Variants in MBD5 observed in about 807,000 individuals in gnomAD.
The protein encoded by MBD5 is methyl-CpG binding domain protein 5.
Under a neutral mutation model 117.3 loss-of-function variants are expected in MBD5, and 13 were observed. The ratio of observed to expected loss-of-function variants is 0.11; its 90% CI spans 0.07 to 0.18. The LOEUF (loss-of-function observed/expected upper bound fraction) is 0.18, where lower values mean the gene tolerates loss of function less well. MBD5 is among the 10% of genes least tolerant of loss of function. The pLI, the probability that MBD5 is intolerant of heterozygous loss-of-function variation, is 1.00. For missense variants in MBD5, 1,879 were observed against 2,093.8 expected, an observed-to-expected ratio of 0.90 and a Z score of 2.00; for synonymous variants, 727 against 766.4, an observed-to-expected ratio of 0.95 and a Z score of 0.85.
At chr2:148,101,583 A>G (rs1380056538) in intron 1 of MBD5, among the ~76,000 whole-genome samples, 1 of 152,198 alleles carries the variant, frequency 6.6e-6, no homozygotes, top group Non-Finnish European at 1.5e-5. Context: ...ATGGACTTCA[A>G]TGAACATTCT....
intron 3 of MBD5, among the ~76,000 whole-genome samples, chr2:148,274,533 C>G (rs1266365571): frequency 6.6e-6 from 1 of 152,024 alleles, no homozygotes; most frequent in African/African-American, 2.4e-5. Flanking sequence ...GATTTTGTTG[C>G]TAATACTCCT....
chr2:148,449,566 G>A (rs991286364), intron 4 of MBD5, among the ~76,000 whole-genome samples: 2 of 151,824 alleles, frequency 1.3e-5, no homozygotes, highest in Admixed American at 6.6e-5. Context: ...GAACAAGAGG[G>A]TGAGATGGGA....
intron 4 of MBD5, among the ~76,000 whole-genome samples, chr2:148,449,347 T>A (rs1706657910): frequency 6.6e-6 from 1 of 152,084 alleles, no homozygotes; most frequent in Non-Finnish European, 1.5e-5. Flanking sequence ...CTGCTTTTTC[T>A]TTTGCAATCT....
chr2:148,368,430 A>G (rs1287716884), intron 4 of MBD5, among the ~76,000 whole-genome samples: 1 of 152,160 alleles, frequency 6.6e-6, no homozygotes, highest in Non-Finnish European at 1.5e-5. Context: ...CCTATGTAAC[A>G]ATCCTGCACA....
intron 2 of MBD5, among the ~76,000 whole-genome samples, chr2:148,229,398 G>A (rs1161826773): frequency 1.3e-5 from 2 of 151,948 alleles, no homozygotes; most frequent in Non-Finnish European, 2.9e-5. Flanking sequence ...TTCCTTCTCT[G>A]TGTTATCTTG....
At chr2:148,169,761 C>T (rs537246944) in intron 1 of MBD5, among the ~76,000 whole-genome samples, 57 of 152,214 alleles carry the variant, frequency 3.7e-4, no homozygotes, top group African/African-American at 1.3e-3. Context: ...TCAGTGAGCT[C>T]ACATCCTACT....
At chr2:148,050,214 G>A (rs1164160060) in intron 1 of MBD5, among the ~76,000 whole-genome samples, 2 of 151,838 alleles carry the variant, frequency 1.3e-5, no homozygotes, top group African/African-American at 4.8e-5. Flanking sequence ...TGTCTTTTTT[G>A]TTACAGCCAT....
At chr2:148,222,187 T>C (rs1170389408) in intron 2 of MBD5, among the ~76,000 whole-genome samples, 13 of 152,196 alleles carry the variant, frequency 8.5e-5, no homozygotes, top group Non-Finnish European at 1.8e-4. Flanking sequence ...TGAAGTCAGG[T>C]AATGTGATTT....
chr2:148,075,868 T>C (rs1371853474), intron 1 of MBD5, among the ~76,000 whole-genome samples: 1 of 152,180 alleles, frequency 6.6e-6, no homozygotes, highest in Non-Finnish European at 1.5e-5. Context: ...AGTATGGGCT[T>C]AAATATAATT....
intron 3 of MBD5, among the ~76,000 whole-genome samples, chr2:148,294,392 T>G (rs1701585307): frequency 6.7e-6 from 1 of 150,300 alleles, no homozygotes; most frequent in African/African-American, 2.5e-5. Context: ...GCCCGGCTAA[T>G]TTTTTGTATT....
chr2:148,297,723 A>G (rs1701687632), intron 3 of MBD5, among the ~76,000 whole-genome samples: 1 of 152,036 alleles, frequency 6.6e-6, no homozygotes, highest in African/African-American at 2.4e-5. Context: ...GTTTTGTTTA[A>G]TAACTGATAT....
At chr2:148,154,365 G>C (rs890365324) in intron 1 of MBD5, among the ~76,000 whole-genome samples, 1 of 151,872 alleles carries the variant, frequency 6.6e-6, no homozygotes, top group East Asian at 2.0e-4. Context: ...TAAGTCTGCA[G>C]AGGTTACTGC....
At chr2:148,194,901 G>A (rs1230072982) in intron 2 of MBD5, among the ~76,000 whole-genome samples, 1 of 152,090 alleles carries the variant, frequency 6.6e-6, no homozygotes, top group Non-Finnish European at 1.5e-5. Flanking sequence ...CAGATTAAAA[G>A]GCTTTTTTGT....
At chr2:148,416,418 G>A (rs1705419777) in intron 4 of MBD5, among the ~76,000 whole-genome samples, 1 of 152,112 alleles carries the variant, frequency 6.6e-6, no homozygotes, top group Non-Finnish European at 1.5e-5. Context: ...GGCAGTGGCT[G>A]CAGAATCCAT....
chr2:148,153,191 A>C (rs1471879721), intron 1 of MBD5, among the ~76,000 whole-genome samples: 2 of 148,528 alleles, frequency 1.3e-5, no homozygotes, highest in African/African-American at 4.9e-5. Flanking sequence ...TTTCTCCTTC[A>C]CTTATGAAGC....
intron 3 of MBD5, among the ~76,000 whole-genome samples, chr2:148,305,387 G>A (rs974764752): frequency 2.0e-5 from 3 of 152,164 alleles, no homozygotes; most frequent in African/African-American, 7.2e-5. Context: ...GAACAATCAG[G>A]CATTTAATGA....
At chr2:148,355,230 T>A (rs1156582259) in intron 4 of MBD5, among the ~76,000 whole-genome samples, 1 of 152,032 alleles carries the variant, frequency 6.6e-6, no homozygotes, top group African/African-American at 2.4e-5. Context: ...GGTGGTCTGT[T>A]CATTCTGATG....
At chr2:148,366,232 A>G (rs1450095737) in intron 4 of MBD5, among the ~76,000 whole-genome samples, 1 of 152,134 alleles carries the variant, frequency 6.6e-6, no homozygotes, top group Non-Finnish European at 1.5e-5. Flanking sequence ...AAACCACATG[A>G]TTATCTCAAT....
At chr2:148,222,897 T>C (rs920640163) in intron 2 of MBD5, among the ~76,000 whole-genome samples, 3 of 152,144 alleles carry the variant, frequency 2.0e-5, no homozygotes, top group African/African-American at 7.2e-5. Flanking sequence ...AGTATGATGC[T>C]AGCTGTGAGT....
Sources: allele counts gnomAD v4.1 joint callset (sites outside exome capture counted in the v4.1 genomes callset), GRCh38; gene constraint gnomAD v4.1.1; transcripts MANE v1.5; gene names NCBI Gene and HGNC (gene_info 2026-07-23, HGNC 2026-07-21).